Variants in MIS18BP1 observed in about 807,000 individuals in gnomAD.
The protein encoded by MIS18BP1 is MIS18 binding protein 1, also known as mis18-binding protein 1.
MIS18BP1 carries 72 observed loss-of-function variants against 116.1 expected under a neutral mutation model. The observed-to-expected ratio is 0.62, with a 90% CI of 0.51 to 0.75. MIS18BP1 has a LOEUF of 0.75. MIS18BP1 is among the 30% of genes least tolerant of loss of function. The pLI is 0.00. For missense variants in MIS18BP1, 1,363 were observed against 1,303.2 expected (o/e 1.05, Z -0.71); for synonymous variants, 386 against 427.0 (o/e 0.90, Z 1.18).
At chr14:45,240,730 G>C (rs1447844723) in intron 4 of MIS18BP1, among the ~76,000 whole-genome samples, 1 of 150,658 alleles carries the variant, frequency 6.6e-6, no homozygotes, top group African/African-American at 2.4e-5. Context: ...ATGTTAATGA[G>C]AATAATCCAA....
intron 10 of MIS18BP1, 82 bp from the exon 11 acceptor site, chr14:45,224,828 C>T (rs895937430): frequency 5.8e-6 from 6 of 1,041,700 alleles, no homozygotes; most frequent in Non-Finnish European, 8.3e-6. Context: ...TATATTTTCA[C>T]AAATAAAAGA....
intron 4 of MIS18BP1, among the ~76,000 whole-genome samples, chr14:45,239,188 G>A (rs1379959945): frequency 6.6e-6 from 1 of 152,080 alleles, no homozygotes; most frequent in Non-Finnish European, 1.5e-5. Context: ...TTTAGATAGT[G>A]GAGATTGAGT....
chr14:45,212,315 C>T (rs1194337671), intron 13 of MIS18BP1, among the ~76,000 whole-genome samples: 3 of 152,150 alleles, frequency 2.0e-5, no homozygotes, highest in Non-Finnish European at 4.4e-5. Context: ...AAGCCATCTA[C>T]AGCCTAAACT....
chr14:45,212,168 A>G (rs1379020718), intron 13 of MIS18BP1, among the ~76,000 whole-genome samples: 1 of 151,960 alleles, frequency 6.6e-6, no homozygotes, highest in Admixed American at 6.6e-5. Flanking sequence ...TTAACTGGGG[A>G]TTTGTTTGGA....
rs1238399794 is a variant in MIS18BP1 at position 45,232,912 on chromosome 14, AC to A, written c.1349-93del. Reference sequence around the variant, plus strand: ...TCATTACATCATTCAAGAAATATGCACCTATTGCTTAATATGTGCCAGGTAC... The same window carrying A: ...TCATTACATCATTCAAGAAATATGCACTATTGCTTAATATGTGCCAGGTAC... On this transcript the variant is annotated intron_variant, in intron 6 of 16. Transcript: ENST00000310806. 4.6e-6 allele frequency: 3 copies of A among 656,426 alleles called. No homozygotes were observed. In the African/African-American group the frequency reaches 5.6e-5, roughly 12 times the overall value. The allele number at this position is 656,426 out of a possible 1,614,324, so 40.7% of individuals were successfully genotyped here. A position where few individuals can be genotyped will look rare whatever the true frequency, so the allele number is the denominator to read the frequency against.
At position 45,226,826 on chromosome 14, in the gene MIS18BP1, C is replaced by A. The variant is rs1387803569; in HGVS notation, c.1757G>T (p.Gly586Val). ...TGAAGACATTTTATATTCTTTTTTT[C>A]CAATTAATTCCTTCAAAACAAAAAG... The part of the protein sequence containing the change: ...GDDLSNQELI[G>V]KKEYKMSSKK... Residue 586 changes from glycine (G) to valine (V), a missense_variant, in exon 10 of 17, where the codon GGA (glycine) becomes GTA (valine). By Grantham distance (109) the Gly-to-Val change is moderately radical. Coordinates refer to ENST00000310806, the MANE Select transcript of MIS18BP1 (RefSeq NM_018353.5). The A allele has an allele frequency of 1.5e-6, 2 of 1,377,222 alleles. No individual in the cohort carries two copies. Among genetic ancestry groups the A allele is most frequent in the Admixed American group, 3.4e-5 (1 of 29,742 alleles). The allele number at this position is 1,377,222 out of a possible 1,614,324, so 85.3% of individuals were successfully genotyped here.
At chr14:45,248,096 C>T (rs1358667843) in intron 1 of MIS18BP1, among the ~76,000 whole-genome samples, 2 of 139,682 alleles carry the variant, frequency 1.4e-5, no homozygotes, top group African/African-American at 5.3e-5. Context: ...ACAGAGTTTC[C>T]CTCTTGTTGC....
intron 6 of MIS18BP1, among the ~76,000 whole-genome samples, chr14:45,235,604 A>C (rs1003303653): frequency 3.3e-5 from 5 of 151,886 alleles, no homozygotes; most frequent in Non-Finnish European, 7.4e-5. Context: ...AAAAAAAAAA[A>C]AAACAAAAAC....
intron 2 of MIS18BP1, among the ~76,000 whole-genome samples, chr14:45,244,129 AGT>A: frequency 6.6e-6 from 1 of 152,254 alleles, no homozygotes; most frequent in Non-Finnish European, 1.5e-5. Flanking sequence ...CCTACTGTGT[AGT>A]GGTTAAGAAC....
At chr14:45,222,688 A>G (rs1406721599) in intron 11 of MIS18BP1, among the ~76,000 whole-genome samples, 1 of 152,208 alleles carries the variant, frequency 6.6e-6, no homozygotes, top group African/African-American at 2.4e-5. Context: ...CTTTAGGACC[A>G]TGTCCACATA....
intron 5 of MIS18BP1, 89 bp downstream of exon 5, chr14:45,237,559 G>A: frequency 2.1e-6 from 3 of 1,447,942 alleles, no homozygotes; most frequent in Non-Finnish European, 2.8e-6. Context: ...TCTTTGCTTT[G>A]TGGAGGATGC....
chr14:45,221,936 G>A (rs1890987697), intron 11 of MIS18BP1, among the ~76,000 whole-genome samples: 2 of 152,180 alleles, frequency 1.3e-5, no homozygotes, highest in Non-Finnish European at 2.9e-5. Flanking sequence ...ATTGTCAGGT[G>A]CATACACACT....
chr14:45,204,494 G>C, intron 15 of MIS18BP1, 41 bp from the exon 16 acceptor site: 1 of 1,460,164 alleles, frequency 6.8e-7, no homozygotes, highest in Non-Finnish European at 9.3e-7. Context: ...GGTACCTCCT[G>C]GTGAAGTCTA....
chr14:45,212,072 C>G (rs1032202279), intron 13 of MIS18BP1, among the ~76,000 whole-genome samples: 1 of 152,072 alleles, frequency 6.6e-6, no homozygotes, highest in African/African-American at 2.4e-5. Context: ...TTTGTGGCAC[C>G]CTCAGGGCTT....
At position 45,218,176 on chromosome 14, in the gene MIS18BP1, G is replaced by C. The variant is rs564877676; in HGVS notation, c.2842+106C>G. The C allele has an allele frequency of 4.1e-6, 5 of 1,233,320 alleles. No homozygotes were observed. In the African/African-American group the frequency reaches 6.3e-5, roughly 16 times the overall value. 76.4% of individuals were successfully genotyped at this position (1,233,320 alleles called of 1,614,324 possible). ...ATTCTCTCTAGCTTTAAAATTTTAA[G>C]AAAATACCTATTAATATTCATGGAT... On this transcript the variant is annotated intron_variant, in intron 12 of 16. Transcript: ENST00000310806.
intron 6 of MIS18BP1, among the ~76,000 whole-genome samples, chr14:45,235,271 G>A (rs1473926572): frequency 4.0e-5 from 6 of 149,962 alleles, no homozygotes; most frequent in Admixed American, 4.0e-4. Flanking sequence ...GGGGGCATAT[G>A]TGGATCCTGT....
chr14:45,243,544 C>T (rs1891641134), intron 2 of MIS18BP1, among the ~76,000 whole-genome samples: 2 of 152,002 alleles, frequency 1.3e-5, no homozygotes, highest in African/African-American at 4.8e-5. Flanking sequence ...TGATAATAGA[C>T]TTAAAATTTG....
Position 45,224,219 on chromosome 14 carries a change from T to C in MIS18BP1, c.2368A>G (p.Lys790Glu), listed in dbSNP as rs1475122252. ...TCTTTGGTGTTTCCTGCTTTGGTTT[T>C]CTTAACTTCAGCTTTCCTTTTAATT... is the stretch of plus-strand genomic sequence containing the variant. ...KEIKRKAEVK[K>E]TKAGNTKEAV... is the part of the protein sequence containing the mutation. Residue 790 changes from lysine to glutamate, a missense_variant, in exon 11 of 17, where the codon AAA (lysine) becomes GAA (glutamate). By Grantham distance (56) the Lys-to-Glu change is moderately conservative. Coordinates refer to ENST00000310806, the MANE Select transcript of MIS18BP1 (RefSeq NM_018353.5). 7 of 1,613,906 alleles carry C rather than the reference T, an allele frequency of 4.3e-6. No homozygotes were observed. The highest frequency in any genetic ancestry group is 5.9e-6 in the Non-Finnish European group (7 of 1,180,034).
chr14:45,232,830 GA>G lies in MIS18BP1; in HGVS notation c.1349-11del, dbSNP rs1214602263. ...AGATAATTTGGATATCCTATTTAAGGATAAACAACAACAAAAAGTATTTAAA... is the reference window on the plus strand; with the variant it reads ...AGATAATTTGGATATCCTATTTAAGGTAAACAACAACAAAAAGTATTTAAA... On this transcript the variant is annotated splice_polypyrimidine_tract_variant and intron_variant, in intron 6 of 16. Coordinates refer to ENST00000310806, the MANE Select transcript of MIS18BP1 (RefSeq NM_018353.5). 6 of 1,226,268 alleles carry G rather than the reference GA, an allele frequency of 4.9e-6. No homozygotes were observed. The African/African-American group carries it at 7.6e-5, about 16-fold the overall frequency. The allele number at this position is 1,226,268 out of a possible 1,614,324, so 76.0% of individuals were successfully genotyped here.
Sources: allele counts gnomAD v4.1 joint callset (sites outside exome capture counted in the v4.1 genomes callset), GRCh38; gene constraint gnomAD v4.1.1; transcripts MANE v1.5; gene names NCBI Gene and HGNC (gene_info 2026-07-23, HGNC 2026-07-21).